PDZD2: variants seen among roughly 807,000 people sequenced by gnomAD.
PDZD2 encodes PDZ domain-containing protein 2.
PDZD2 carries 90 observed loss-of-function variants against 220.7 expected under a neutral mutation model. The observed-to-expected ratio is 0.41, with a 90% CI of 0.34 to 0.49. The LOEUF (loss-of-function observed/expected upper bound fraction) is 0.49. PDZD2 is among the 20% of genes least tolerant of loss of function. The probability of loss-of-function intolerance (pLI) is 0.28; values close to 1 mark genes in which losing one functional copy is unlikely to be tolerated. For synonymous variants in PDZD2, 1,375 were observed against 1,450.5 expected (o/e 0.95, Z 1.18); for missense variants, 3,174 against 3,608.5 (o/e 0.88, Z 3.08).
At chr5:31,945,698 AG>A (rs1746574995) in intron 2 of PDZD2, among the ~76,000 whole-genome samples, 2 of 151,520 alleles carry the variant, frequency 1.3e-5, no homozygotes, top group African/African-American at 2.4e-5. Flanking sequence ...TCATAGTTTC[AG>A]ACTCTACCTG....
In PDZD2 at chr5:32,037,102, G is replaced by A. The variant is rs183994896; in HGVS notation, c.1408-129G>A. On this transcript the variant is annotated intron_variant, in intron 6 of 24. Coordinates refer to ENST00000438447, the MANE Select transcript of PDZD2 (RefSeq NM_178140.4). ...ATCTGAAGGGCTGTGCTTTGATCCC[G>A]TGGTCCTTCTTCTCACATAACACCT... is the stretch of plus-strand genomic sequence containing the variant. The A allele has an allele frequency of 2.5e-5, 16 of 631,688 alleles. No homozygotes were observed. In the Admixed American group the frequency reaches 3.1e-4, roughly 12 times the overall value. The allele number at this position is 631,688 out of a possible 1,614,324, so 39.1% of individuals were successfully genotyped here.
intron 1 of PDZD2, among the ~76,000 whole-genome samples, chr5:31,703,435 A>G (rs1434133363): frequency 6.6e-6 from 1 of 152,032 alleles, no homozygotes; most frequent in Non-Finnish European, 1.5e-5. Flanking sequence ...ATGAGAACAC[A>G]TGGACACAGG....
intron 1 of PDZD2, among the ~76,000 whole-genome samples, chr5:31,765,092 A>G (rs911377359): frequency 6.6e-6 from 1 of 151,562 alleles, no homozygotes; most frequent in Non-Finnish European, 1.5e-5. Flanking sequence ...AAAAAAAAAA[A>G]GAATTACCCA....
At chr5:31,958,710 T>A (rs1747951200) in intron 2 of PDZD2, among the ~76,000 whole-genome samples, 2 of 152,050 alleles carry the variant, frequency 1.3e-5, no homozygotes, top group African/African-American at 4.8e-5. Flanking sequence ...AGCCTCGACC[T>A]CCTAGGCTCA....
chr5:32,050,932 C>T (rs1042119600), intron 8 of PDZD2, among the ~76,000 whole-genome samples: 17 of 151,976 alleles, frequency 1.1e-4, no homozygotes, highest in African/African-American at 3.6e-4. Flanking sequence ...ATATGGTAGC[C>T]GTATATGTCT....
chr5:31,724,461 C>T (rs1490449124), intron 1 of PDZD2, among the ~76,000 whole-genome samples: 1 of 151,888 alleles, frequency 6.6e-6, no homozygotes. Flanking sequence ...AATTGGCTGG[C>T]CATGGTGGCG....
At chr5:31,682,223 A>G (rs40810) in intron 1 of PDZD2, among the ~76,000 whole-genome samples, 84,606 of 151,952 alleles carry the variant, frequency 0.56, 24,783 homozygotes, top group Middle Eastern at 0.67. Context: ...CAAGCTTCGC[A>G]GAGGGGCTTA....
intron 2 of PDZD2, among the ~76,000 whole-genome samples, chr5:31,861,545 G>A (rs1337313611): frequency 6.6e-6 from 1 of 152,184 alleles, no homozygotes; most frequent in Non-Finnish European, 1.5e-5. Flanking sequence ...GACATTTGGG[G>A]AAAAGGGGGA....
intron 24 of PDZD2, among the ~76,000 whole-genome samples, chr5:32,104,713 ATC>A (rs1561613270): frequency 2.4e-5 from 2 of 83,334 alleles, no homozygotes; most frequent in Non-Finnish European, 4.6e-5. Context: ...AGAAGGCTCC[ATC>A]TAAAAAAAAA....
At chr5:31,949,250 C>T (rs187579035) in intron 2 of PDZD2, among the ~76,000 whole-genome samples, 13 of 151,852 alleles carry the variant, frequency 8.6e-5, no homozygotes, top group African/African-American at 2.7e-4. Flanking sequence ...GTGCAACCAA[C>T]GTTAGGAAGT....
At chr5:31,951,386 G>C (rs897798145) in intron 2 of PDZD2, among the ~76,000 whole-genome samples, 1 of 152,058 alleles carries the variant, frequency 6.6e-6, no homozygotes, top group African/African-American at 2.4e-5. Flanking sequence ...TCTTATGTAA[G>C]GGTTCTACTC....
intron 1 of PDZD2, among the ~76,000 whole-genome samples, chr5:31,647,088 C>T (rs1468625180): frequency 7.2e-5 from 11 of 152,188 alleles, no homozygotes; most frequent in African/African-American, 2.4e-4. Flanking sequence ...GAGATGCACA[C>T]GGCCCCTGAG....
chr5:31,891,953 C>T (rs1418564579), intron 2 of PDZD2, among the ~76,000 whole-genome samples: 1 of 152,194 alleles, frequency 6.6e-6, no homozygotes. Flanking sequence ...CCCTGTTGCC[C>T]AGGCTGGACT....
intron 2 of PDZD2, among the ~76,000 whole-genome samples, chr5:31,888,062 AGCAGTGGAATTTGGATG>A (rs1740679085): frequency 6.6e-6 from 1 of 152,158 alleles, no homozygotes; most frequent in African/African-American, 2.4e-5. Flanking sequence ...GGCCATTTAC[AGCAGTGGAATTTGGATG>A]GCGCAGATAT....
At chr5:31,659,517 T>A (rs1487966068) in intron 1 of PDZD2, among the ~76,000 whole-genome samples, 1 of 152,092 alleles carries the variant, frequency 6.6e-6, no homozygotes, top group Non-Finnish European at 1.5e-5. Flanking sequence ...GCTTGGTCAG[T>A]GTCACCCCCA....
chr5:31,672,682 T>C (rs1454597328), intron 1 of PDZD2, among the ~76,000 whole-genome samples: 1 of 152,000 alleles, frequency 6.6e-6, no homozygotes, highest in East Asian at 1.9e-4. Context: ...AAGAGGAAAA[T>C]AGGAGGAAGG....
At chr5:31,724,351 C>T (rs1471976646) in intron 1 of PDZD2, among the ~76,000 whole-genome samples, 1 of 152,092 alleles carries the variant, frequency 6.6e-6, no homozygotes, top group Non-Finnish European at 1.5e-5. Context: ...GCCTGTAATC[C>T]CAGCACTTTG....
At chr5:31,688,727 C>T (rs1425450862) in intron 1 of PDZD2, among the ~76,000 whole-genome samples, 1 of 152,148 alleles carries the variant, frequency 6.6e-6, no homozygotes, top group African/African-American at 2.4e-5. Context: ...TCCTGCGTCC[C>T]CTCCCTTCCT....
At chr5:31,827,385 T>C (rs1350563298) in intron 2 of PDZD2, among the ~76,000 whole-genome samples, 1 of 152,122 alleles carries the variant, frequency 6.6e-6, no homozygotes. Flanking sequence ...AAAGTAAGCT[T>C]TCTTGTTATA....
Sources: allele counts gnomAD v4.1 joint callset (sites outside exome capture counted in the v4.1 genomes callset), GRCh38; gene constraint gnomAD v4.1.1; transcripts MANE v1.5; gene names NCBI Gene and HGNC (gene_info 2026-07-23, HGNC 2026-07-21).